ALCAM: variants seen among roughly 807,000 people sequenced by gnomAD.
ALCAM encodes activated leukocyte cell adhesion molecule.
ALCAM carries 30 observed loss-of-function variants against 70.9 expected under a neutral mutation model. The ratio of observed to expected loss-of-function variants is 0.42; its 90% CI spans 0.32 to 0.57. The LOEUF is 0.57. ALCAM is among the 20% of genes least tolerant of loss of function. ALCAM has a pLI of 0.11. For missense variants in ALCAM, 591 were observed against 695.1 expected, an observed-to-expected ratio of 0.85 and a Z score of 1.68; for synonymous variants, 249 against 242.5, an observed-to-expected ratio of 1.03 and a Z score of -0.25.
intron 1 of ALCAM, among the ~76,000 whole-genome samples, chr3:105,367,869 G>A (rs958365587): frequency 1.3e-5 from 2 of 151,992 alleles, no homozygotes; most frequent in East Asian, 3.9e-4. Flanking sequence ...TTTTTCTTTC[G>A]CTTAGTTCTC....
intron 1 of ALCAM, among the ~76,000 whole-genome samples, chr3:105,369,494 C>CG (rs1935169753): frequency 6.6e-6 from 1 of 152,120 alleles, no homozygotes; most frequent in African/African-American, 2.4e-5. Context: ...CTGGCATTGC[C>CG]GAAATTCTCA....
intron 1 of ALCAM, among the ~76,000 whole-genome samples, chr3:105,420,263 A>G (rs1487145833): frequency 6.6e-6 from 1 of 151,578 alleles, no homozygotes; most frequent in Non-Finnish European, 1.5e-5. Flanking sequence ...CTACACCTTT[A>G]TTAAAAAAAT....
chr3:105,485,527 GC>G (rs1938403595), intron 1 of ALCAM, among the ~76,000 whole-genome samples: 1 of 151,784 alleles, frequency 6.6e-6, no homozygotes, highest in Non-Finnish European at 1.5e-5. Context: ...TTCAATTTAA[GC>G]ATTAGGTCTA....
At chr3:105,457,076 C>T (rs1038972539) in intron 1 of ALCAM, among the ~76,000 whole-genome samples, 1 of 152,134 alleles carries the variant, frequency 6.6e-6, no homozygotes, top group African/African-American at 2.4e-5. Context: ...TACTGTGAGT[C>T]CTCCACCCTC....
In ALCAM at chr3:105,453,400, T is replaced by C. The variant is rs184282702; in HGVS notation, c.74-66667T>C. 6.6e-4 allele frequency among the ~76,000 whole-genome samples: 101 copies of C among 152,272 alleles called. No homozygotes were observed. In the East Asian group the frequency reaches 0.013, roughly 19 times the overall value. On this transcript the variant is annotated intron_variant, in intron 1 of 15. Transcript: ENST00000306107. The stretch of plus-strand genomic sequence containing the variant: ...ATGGTTGTAGATGTGTGGTGTTATT[T>C]CTAAGGTCTCCATTCTGCTGCATTG...
intron 1 of ALCAM, 30 bp from the exon 2 acceptor site, chr3:105,520,037 C>A: frequency 6.9e-7 from 1 of 1,440,470 alleles, no homozygotes; most frequent in South Asian, 1.3e-5. Context: ...CTCTCTTTCT[C>A]TCTTCTTCCT....
At chr3:105,525,852 C>T (rs185362724) in intron 3 of ALCAM, among the ~76,000 whole-genome samples, 2 of 152,288 alleles carry the variant, frequency 1.3e-5, no homozygotes, top group East Asian at 3.9e-4. Flanking sequence ...ACTTCTCGAT[C>T]GTTGTATGAA....
intron 1 of ALCAM, among the ~76,000 whole-genome samples, chr3:105,435,463 C>T (rs1937029486): frequency 6.6e-6 from 1 of 152,214 alleles, no homozygotes; most frequent in Admixed American, 6.5e-5. Flanking sequence ...TATCATATGA[C>T]TCAATGTCAG....
At position 105,422,684 on chromosome 3, in the gene ALCAM, A is replaced by G. The variant is rs984864467; in HGVS notation, c.73+55203A>G. On this transcript the variant is annotated intron_variant, in intron 1 of 15. Transcript: ENST00000306107. ...TGTATTACGGAGCAGAACATTCAATAATAATAAGATAGAACAGCTTTTTCT... is the reference window on the plus strand; with the variant it reads ...TGTATTACGGAGCAGAACATTCAATGATAATAAGATAGAACAGCTTTTTCT... Among the ~76,000 whole-genome samples the G allele has an allele frequency of 3.3e-5, 5 of 151,614 alleles. No individual in the cohort carries two copies. The East Asian group carries it at 9.7e-4, about 29-fold the overall frequency.
intron 1 of ALCAM, among the ~76,000 whole-genome samples, chr3:105,398,455 A>G (rs1479763597): frequency 6.6e-6 from 1 of 152,132 alleles, no homozygotes; most frequent in African/African-American, 2.4e-5. Context: ...GTGAAAATGT[A>G]TCATCAGTAT....
chr3:105,380,162 C>T (rs1395156226), intron 1 of ALCAM, among the ~76,000 whole-genome samples: 1 of 151,666 alleles, frequency 6.6e-6, no homozygotes, highest in Non-Finnish European at 1.5e-5. Flanking sequence ...GGTCTTCTTC[C>T]TTTTTTATTT....
intron 14 of ALCAM, among the ~76,000 whole-genome samples, chr3:105,556,259 A>G (rs1363769324): frequency 6.6e-6 from 1 of 152,040 alleles, no homozygotes; most frequent in East Asian, 1.9e-4. Context: ...ACTTCTTCAC[A>G]AGTATATTAG....
Position 105,545,332 on chromosome 3 carries a change from G to T in ALCAM, c.1101G>T (p.Met367Ile), listed in dbSNP as rs34926152. ...GCAGGAATGCAACTGTGGTATGGATGAAAGTAAGTAATATTTTTGGTACTA... is the reference window on the plus strand; with the variant it reads ...GCAGGAATGCAACTGTGGTATGGATTAAAGTAAGTAATATTTTTGGTACTA... ...SASRNATVVW[M>I]KDNIRLRSSP... The change falls in exon 9 of 16, where the codon ATG becomes ATT. Residue 367 changes from methionine (M) to isoleucine (I), a missense_variant. Coordinates refer to ENST00000306107, the MANE Select transcript of ALCAM (RefSeq NM_001627.4). 0.042 allele frequency: 67,619 copies of T among 1,602,180 alleles called. 1,619 individuals are homozygous for T. The highest frequency in any genetic ancestry group is 0.058 in the Middle Eastern group (351 of 6,010).
At chr3:105,392,955 A>G (rs1316624419) in intron 1 of ALCAM, among the ~76,000 whole-genome samples, 2 of 151,844 alleles carry the variant, frequency 1.3e-5, no homozygotes, top group Non-Finnish European at 2.9e-5. Context: ...CAACAGTATT[A>G]CTACCAAAAT....
intron 1 of ALCAM, among the ~76,000 whole-genome samples, chr3:105,496,827 G>GGGGTGTGT (rs755792411): frequency 0.12 from 12,167 of 103,794 alleles, 617 homozygotes; most frequent in Non-Finnish European, 0.18. Context: ...GTCCAATTGA[G>GGGGTGTGT]GTGTGTGTGT....
chr3:105,377,345 T>G (rs868351840), intron 1 of ALCAM, among the ~76,000 whole-genome samples: 8 of 152,110 alleles, frequency 5.3e-5, no homozygotes, highest in Admixed American at 4.6e-4. Context: ...GTGGCAGTTG[T>G]TGGTAAAATG....
Position 105,540,001 on chromosome 3 carries a change from G to A in ALCAM, c.757G>A (p.Val253Met), listed in dbSNP as rs151133594. The A allele has an allele frequency of 5.8e-5, 94 of 1,612,384 alleles. No individual in the cohort carries two copies. In the African/African-American group the frequency reaches 1.2e-3, roughly 20 times the overall value. Residue 253 changes from valine to methionine, a missense_variant, in exon 7 of 16, where the codon GTG becomes ATG. By Grantham distance (21) the Val-to-Met change is conservative. This residue lies in a region of ALCAM where 427 missense variants were observed against 450.4 expected (regional missense o/e 0.95). Coordinates refer to ENST00000306107, the MANE Select transcript of ALCAM (RefSeq NM_001627.4). ...TCCTACAGAGCAGGTGACAATACAA[G>A]TGCTGCCACCAAAAAATGCCATCAA... ...YYPTEQVTIQ[V>M]LPPKNAIKEG...
chr3:105,422,723 C>G (rs1419908982), intron 1 of ALCAM, among the ~76,000 whole-genome samples: 2 of 151,418 alleles, frequency 1.3e-5, no homozygotes, highest in Non-Finnish European at 3.0e-5. Context: ...AACTTGTGTT[C>G]AAGCCACTGA....
At position 105,568,065 on chromosome 3, in the gene ALCAM, T is replaced by A. The variant is rs1008148904; in HGVS notation, c.1665-3787T>A. ...TTTTTATTATTTTATTTTATTTTAT[T>A]TTTTTTTTTTTTTGAGATGGAGTCT... On this transcript the variant is annotated intron_variant, in intron 14 of 15. Transcript: ENST00000306107. Among the ~76,000 whole-genome samples, 298 of 66,668 alleles carry A rather than the reference T, an allele frequency of 4.5e-3. 1 individual carries two copies. Among genetic ancestry groups the A allele is most frequent in the African/African-American group, 0.012 (281 of 22,494 alleles). The allele number at this position is 66,668 out of a possible 152,430, so 43.7% of individuals were successfully genotyped here. A position where few individuals can be genotyped will look rare whatever the true frequency, so the allele number is the denominator to read the frequency against.
Sources: gnomAD v4.1 joint callset for allele counts (sites outside exome capture counted in the v4.1 genomes callset) on GRCh38, gnomAD v4.1.1 for gene constraint, gnomAD v4.1.1 regional missense constraint, MANE v1.5 for transcripts, NCBI Gene and HGNC (gene_info 2026-07-23, HGNC 2026-07-21) for gene names.